Variants in SV2C observed in about 807,000 individuals in gnomAD.
SV2C encodes synaptic vesicle glycoprotein 2C, also known as solute carrier family 22 member B3.
Under a neutral mutation model 79.7 loss-of-function variants are expected in SV2C, and 49 were observed. The ratio of observed to expected loss-of-function variants is 0.61; its 90% CI spans 0.49 to 0.78. The LOEUF is 0.78. SV2C is among the 30% of genes least tolerant of loss of function. SV2C has a pLI of 0.00. For synonymous variants in SV2C, 334 were observed against 333.2 expected, an observed-to-expected ratio of 1.00 and a Z score of -0.03; for missense variants, 833 against 912.9, an observed-to-expected ratio of 0.91 and a Z score of 1.13.
At position 76,281,160 on chromosome 5, in the gene SV2C, A is replaced by G. The variant is rs1456968234; in HGVS notation, c.914-4002A>G. The G allele has an allele frequency of 1.5e-5, 8 of 540,212 alleles. No individual in the cohort carries two copies. In the East Asian group the frequency reaches 4.3e-4, roughly 29 times the overall value. 33.5% of individuals were successfully genotyped at this position (540,212 alleles called of 1,614,324 possible). ...GACAACTAAGTGAGAAGGTATCACA[A>G]CTAGGTTTAATAGAAATCCTTAAAA... On this transcript the variant is annotated intron_variant, in intron 4 of 12. Coordinates refer to ENST00000502798, the MANE Select transcript of SV2C (RefSeq NM_014979.4).
chr5:75,994,898 C>T, the SV2C span, among the ~76,000 whole-genome samples: 1 of 152,094 alleles, frequency 6.6e-6, no homozygotes, highest in Non-Finnish European at 1.5e-5. Context: ...GTGTAAATTC[C>T]AGTCCAAGGC....
At chr5:76,287,977 CG>C (rs1410265752) in intron 6 of SV2C, among the ~76,000 whole-genome samples, 4 of 150,814 alleles carry the variant, frequency 2.7e-5, no homozygotes, top group Non-Finnish European at 5.9e-5. Context: ...CCCAGCTACT[CG>C]GGAAGCTGAG....
chr5:76,164,885 C>T (rs1408485433), intron 2 of SV2C, among the ~76,000 whole-genome samples: 5 of 152,024 alleles, frequency 3.3e-5, no homozygotes, highest in Non-Finnish European at 7.4e-5. Flanking sequence ...GCAAATAACC[C>T]ACCCACATCC....
the SV2C span, among the ~76,000 whole-genome samples, chr5:75,968,038 C>T: frequency 5.8e-3 from 888 of 152,256 alleles, 13 homozygotes; most frequent in African/African-American, 0.02. Context: ...CTGCAGACAC[C>T]GCTGCTGATA....
At chr5:75,971,967 C>T in the SV2C span, among the ~76,000 whole-genome samples, 2 of 151,988 alleles carry the variant, frequency 1.3e-5, no homozygotes, top group African/African-American at 4.8e-5. Flanking sequence ...GGTACTGGTA[C>T]CAAAACAGAG....
intron 4 of SV2C, among the ~76,000 whole-genome samples, chr5:76,235,873 A>G (rs1444937492): frequency 1.3e-5 from 2 of 152,196 alleles, no homozygotes. Context: ...AATTGATTAA[A>G]ATAGAGAACA....
At chr5:76,238,728 G>A (rs367661467) in intron 4 of SV2C, among the ~76,000 whole-genome samples, 8 of 152,142 alleles carry the variant, frequency 5.3e-5, no homozygotes, top group African/African-American at 7.2e-5. Flanking sequence ...CTGTGAAAAC[G>A]AACAATTCAT....
At chr5:75,882,103 T>C in the SV2C span, among the ~76,000 whole-genome samples, 1 of 150,206 alleles carries the variant, frequency 6.7e-6, no homozygotes, top group Admixed American at 6.6e-5. Context: ...ACTACATTTA[T>C]TGATTTGCAT....
chr5:76,178,874 T>TA (rs1189594437), intron 2 of SV2C, among the ~76,000 whole-genome samples: 5 of 152,226 alleles, frequency 3.3e-5, no homozygotes, highest in African/African-American at 1.2e-4. Flanking sequence ...ATTTTTGAGT[T>TA]AGTTCTGTCA....
intron 1 of SV2C, among the ~76,000 whole-genome samples, chr5:76,124,360 T>C (rs751696373): frequency 1.1e-4 from 17 of 152,310 alleles, no homozygotes; most frequent in African/African-American, 2.9e-4. Context: ...TAGAATCATA[T>C]AGTATTTGTC....
the SV2C span, among the ~76,000 whole-genome samples, chr5:76,012,992 G>C: frequency 6.6e-6 from 1 of 152,164 alleles, no homozygotes; most frequent in Admixed American, 6.5e-5. Flanking sequence ...GTACCATGCT[G>C]TTTTGGTTAC....
the SV2C span, among the ~76,000 whole-genome samples, chr5:75,901,433 C>T: frequency 6.7e-3 from 1,021 of 152,280 alleles, 3 homozygotes; most frequent in African/African-American, 9.8e-3. Context: ...GCTGTCTGGT[C>T]GTTCCTCTGG....
In SV2C at chr5:76,325,501, T is replaced by C. The variant is rs1440387338; in HGVS notation, c.2138T>C (p.Leu713Pro). Residue 713 changes from leucine to proline, a missense_variant, in exon 13 of 13, where the codon CTC (leucine) becomes CCC (proline). Transcript: ENST00000502798. ...LASTVLVCGG[L>P]VGLCLPDTRT... ...TCTACTGTGCTCGTGTGTGGAGGAC[T>C]CGTTGGGCTGTGCCTGCCTGACACA... is the stretch of plus-strand genomic sequence containing the variant. 6.2e-7 allele frequency: 1 copy of C among 1,614,206 alleles called. No homozygotes were observed. Among genetic ancestry groups the C allele is most frequent in the Non-Finnish European group, 8.5e-7 (1 of 1,180,036 alleles).
the SV2C span, among the ~76,000 whole-genome samples, chr5:75,875,115 A>G: frequency 6.6e-6 from 1 of 152,236 alleles, no homozygotes; most frequent in Non-Finnish European, 1.5e-5. Context: ...AAGAGCCTGA[A>G]TAGCCAAGGC....
the SV2C span, chr5:75,921,005 T>C: frequency 1.4e-6 from 1 of 705,992 alleles, no homozygotes; most frequent in South Asian, 1.6e-5. Flanking sequence ...GTGCGAGTCC[T>C]CGCGGTAGTT....
Position 76,132,010 on chromosome 5 carries a change from A to G in SV2C, c.260A>G (p.Glu87Gly). The change falls in exon 2 of 13, where the codon GAG becomes GGG. Residue 87 changes from glutamate to glycine, a missense_variant. Transcript: ENST00000502798. Reference sequence around the variant, plus strand: ...ACTGAGGGGCATGATGAAGATGATGAGATCTATGAGGGGGAGTATCAGGGC... The same window carrying G: ...ACTGAGGGGCATGATGAAGATGATGGGATCTATGAGGGGGAGTATCAGGGC... ...EATEGHDEDDEIYEGEYQGIP... is the reference protein window; with the variant it reads ...EATEGHDEDDGIYEGEYQGIP... 1 of 1,613,484 alleles carries G rather than the reference A, an allele frequency of 6.2e-7. No homozygotes were observed. Among genetic ancestry groups the G allele is most frequent in the Non-Finnish European group, 8.5e-7 (1 of 1,179,720 alleles).
chr5:75,920,632 G>T, the SV2C span: 1 of 612,332 alleles, frequency 1.6e-6, no homozygotes, highest in Non-Finnish European at 2.9e-6. Flanking sequence ...TGCATAGGGA[G>T]TGGGTGGTGG....
chr5:76,069,857 C>A, the SV2C span, among the ~76,000 whole-genome samples: 1 of 118,578 alleles, frequency 8.4e-6, no homozygotes, highest in Non-Finnish European at 1.9e-5. Flanking sequence ...TACACACACA[C>A]AAACACACAC....
At chr5:76,272,753 A>G (rs1226906574) in intron 4 of SV2C, among the ~76,000 whole-genome samples, 2 of 152,200 alleles carry the variant, frequency 1.3e-5, no homozygotes, top group African/African-American at 4.8e-5. Context: ...TTTAGAGGCT[A>G]GTATTCCAAC....
Sources: allele counts gnomAD v4.1 joint callset (sites outside exome capture counted in the v4.1 genomes callset), GRCh38; gene constraint gnomAD v4.1.1; transcripts MANE v1.5; gene names NCBI Gene and HGNC (gene_info 2026-07-23, HGNC 2026-07-21).